Variants in UBIAD1 observed in about 807,000 individuals in gnomAD.
UBIAD1 encodes the protein ubiA prenyltransferase domain-containing protein 1.
UBIAD1 carries 12 observed loss-of-function variants against 20.1 expected under a neutral mutation model. The observed-to-expected ratio is 0.60, with a 90% CI of 0.38 to 0.97. UBIAD1 has a LOEUF of 0.97. UBIAD1 is among the 50% of genes least tolerant of loss of function. UBIAD1 has a pLI of 0.00. For synonymous variants in UBIAD1, 207 were observed against 189.2 expected, an observed-to-expected ratio of 1.09 and a Z score of -0.77; for missense variants, 333 against 419.5, an observed-to-expected ratio of 0.79 and a Z score of 1.80.
At chr1:11,293,008 G>A (rs1486762451), downstream of UBIAD1, among the ~76,000 whole-genome samples, 1 of 152,130 alleles carries the variant, frequency 6.6e-6, no homozygotes, top group Non-Finnish European at 1.5e-5. Flanking sequence ...CTGAGGAGGG[G>A]GCAAAGGCTG....
intron 1 of UBIAD1, among the ~76,000 whole-genome samples, chr1:11,281,447 G>A (rs1055300030): frequency 8.5e-5 from 13 of 152,180 alleles, no homozygotes; most frequent in African/African-American, 3.1e-4. Flanking sequence ...CCAGAGCACT[G>A]CCTGGCATGT....
rs957803462 is a variant in UBIAD1, at chr1:11,295,024, C to G, written c.*141C>G. The G allele has an allele frequency of 5.7e-6, 4 of 703,592 alleles. No individual in the cohort carries two copies. The South Asian group carries it at 6.0e-5, about 11-fold the overall frequency. The allele number at this position is 703,592 out of a possible 1,614,324, so 43.6% of individuals were successfully genotyped here. On this transcript the variant is annotated 3_prime_UTR_variant, in exon 2 of 2. Coordinates refer to the UBIAD1 transcript ENST00000376804. ...GAGGGAAGTGAGCCCCTTCCTGCCT[C>G]GGGGTGGGCAGCATCTGGAGCTGAC...
At position 11,273,603 on chromosome 1, in the gene UBIAD1, G is replaced by C. The variant is rs929379057; in HGVS notation, c.72G>C (p.Arg24Ser). 17 of 1,613,826 alleles carry C rather than the reference G, an allele frequency of 1.1e-5. No individual in the cohort carries two copies. The highest frequency in any genetic ancestry group is 1.4e-5 in the Non-Finnish European group (17 of 1,180,058). Reference sequence around the variant, plus strand: ...GAGAGACTGTCAAAGCTGGGGACAGGGACCCGCTGGGGAACGACTGTCCCG... The same window carrying C: ...GAGAGACTGTCAAAGCTGGGGACAGCGACCCGCTGGGGAACGACTGTCCCG... The part of the protein sequence containing the change: ...LSGETVKAGD[R>S]DPLGNDCPEQ... The change falls in exon 1 of 2, where the codon AGG becomes AGC. Residue 24 changes from arginine to serine, a missense_variant. Physicochemically the swap from Arg to Ser is moderately radical, Grantham distance 110 (BLOSUM62 -1). Transcript: ENST00000376810. The surrounding 1 kb of genome is among the most constrained non-coding windows in gnomAD (Gnocchi z 4.9).
At chr1:11,277,957 T>C (rs1219703219) in intron 1 of UBIAD1, among the ~76,000 whole-genome samples, 1 of 152,086 alleles carries the variant, frequency 6.6e-6, no homozygotes, top group Non-Finnish European at 1.5e-5. Context: ...GTTTTCTTTT[T>C]CCTTTCCTTT....
downstream of UBIAD1, among the ~76,000 whole-genome samples, chr1:11,292,452 A>G (rs1198164736): frequency 6.6e-6 from 1 of 152,118 alleles, no homozygotes; most frequent in Non-Finnish European, 1.5e-5. Context: ...GTCGCATCAG[A>G]GAGGCGTTGG....
At chr1:11,291,747 A>G (rs1638371182), downstream of UBIAD1, among the ~76,000 whole-genome samples, 1 of 152,176 alleles carries the variant, frequency 6.6e-6, no homozygotes, top group South Asian at 2.1e-4. Flanking sequence ...CAGTGTAAGA[A>G]CCACACTTTG....
intron 1 of UBIAD1, chr1:11,293,601 A>C (rs950074278): frequency 2.0e-5 from 3 of 152,260 alleles, no homozygotes; most frequent in African/African-American, 7.2e-5. Flanking sequence ...GGACCACTGC[A>C]TCACATCAGC....
chr1:11,295,209 A>G (rs895121063), downstream of UBIAD1: 4 of 404,328 alleles, frequency 9.9e-6, no homozygotes, highest in Non-Finnish European at 1.4e-5. Flanking sequence ...GCTTCCAGGA[A>G]GAGGTGACAA....
At chr1:11,276,070 T>C (rs543005817) in intron 1 of UBIAD1, among the ~76,000 whole-genome samples, 6 of 152,230 alleles carry the variant, frequency 3.9e-5, no homozygotes, top group African/African-American at 1.2e-4. Context: ...TGATGTAATA[T>C]AATGTTTTAA....
rs373642682 is a variant in UBIAD1, at chr1:11,275,865, C to G, written c.529+1805C>G. On this transcript the variant is annotated intron_variant, in intron 1 of 1. Coordinates refer to ENST00000376810, the MANE Select transcript of UBIAD1 (RefSeq NM_013319.3). The stretch of plus-strand genomic sequence containing the variant: ...ACAGCAAGTGCCATAGGCCTTCAGG[C>G]AGGAATGTGTCCAAAGAGCTTACAG... 7.2e-5 allele frequency among the ~76,000 whole-genome samples: 11 copies of G among 152,120 alleles called. No homozygotes were observed. The Middle Eastern group carries it at 0.01, about 141-fold the overall frequency.
chr1:11,291,682 T>C (rs546927628), downstream of UBIAD1, among the ~76,000 whole-genome samples: 1 of 151,344 alleles, frequency 6.6e-6, no homozygotes, highest in African/African-American at 2.4e-5. Context: ...TATGCATGTG[T>C]GTGCACGCGT....
Position 11,285,041 on chromosome 1 carries a change from A to G in UBIAD1, c.530-603A>G, listed in dbSNP as rs1318012498. 2.0e-5 allele frequency among the ~76,000 whole-genome samples: 3 copies of G among 152,200 alleles called. No homozygotes were observed. The highest frequency in any genetic ancestry group is 2.9e-5 in the Non-Finnish European group (2 of 68,036). On this transcript the variant is annotated intron_variant, in intron 1 of 1. Coordinates refer to ENST00000376810, the MANE Select transcript of UBIAD1 (RefSeq NM_013319.3). The surrounding 1 kb of genome is among the most constrained non-coding windows in gnomAD (Gnocchi z 4.4). The stretch of plus-strand genomic sequence containing the variant: ...AGGAGGTAGGGGTGGTTTAGTTTCA[A>G]TCTCATAGGAGACAGAGGAGGAAAG...
chr1:11,293,533 A>G (rs573962406), intron 1 of UBIAD1: 5 of 152,348 alleles, frequency 3.3e-5, no homozygotes, highest in African/African-American at 1.2e-4. Flanking sequence ...TTGTTGAATG[A>G]CTGAGTTACA....
chr1:11,282,627 G>A (rs1307453852), intron 1 of UBIAD1, among the ~76,000 whole-genome samples: 3 of 149,116 alleles, frequency 2.0e-5, no homozygotes, highest in Non-Finnish European at 4.4e-5. Flanking sequence ...ACAATGGTGC[G>A]ACCTCTGCTC....
Position 11,285,856 on chromosome 1 carries a change from C to T in UBIAD1, c.742C>T (p.Leu248=). ...CGACCGGGAGGCTGGTATCGTCACG[C>T]TGGCCATCCTCATCGGCCCCACGTT... ...ESDREAGIVT[L]AILIGPTFSY... The change falls in exon 2 of 2, where the codon CTG becomes TTG. Residue 248 remains leucine, a synonymous_variant. Transcript: ENST00000376810. This position sits in a 1 kb window ranked among gnomAD's most constrained non-coding sequence, Gnocchi z 4.4. 6.2e-7 allele frequency: 1 copy of T among 1,614,242 alleles called. No homozygotes were observed. Among genetic ancestry groups the T allele is most frequent in the South Asian group, 1.1e-5 (1 of 91,088 alleles).
At chr1:11,289,511 G>T (rs984180561), downstream of UBIAD1, among the ~76,000 whole-genome samples, 3 of 152,048 alleles carry the variant, frequency 2.0e-5, no homozygotes, top group Non-Finnish European at 1.5e-5. Flanking sequence ...ATGGAGATAG[G>T]GGGGTATGAG....
Position 11,274,039 on chromosome 1 carries a change from G to A in UBIAD1, c.508G>A (p.Gly170Ser). 1 of 1,614,096 alleles carries A rather than the reference G, an allele frequency of 6.2e-7. No homozygotes were observed. The highest frequency in any genetic ancestry group is 8.5e-7 in the Non-Finnish European group (1 of 1,180,034). Residue 170 changes from glycine (G) to serine (S), a missense_variant, in exon 1 of 2, where the codon GGC (glycine) becomes AGC (serine). Transcript: ENST00000376810. ...LALIYFGGLS[G>S]SFLYTGGIGF... ...TCTTATCTACTTTGGAGGCCTGTCT[G>A]GCTCCTTTCTCTACACAGGAGGTAA...
downstream of UBIAD1, among the ~76,000 whole-genome samples, chr1:11,298,085 C>T (rs1039300277): frequency 2.0e-4 from 30 of 151,920 alleles, no homozygotes; most frequent in Admixed American, 1.6e-3. The surrounding 1 kb of genome is among the most constrained non-coding windows in gnomAD (Gnocchi z 4.0). Context: ...CTCAGCCTCC[C>T]GAATAGCTGG....
At chr1:11,290,088 A>G (rs1451963343), downstream of UBIAD1, among the ~76,000 whole-genome samples, 1 of 152,154 alleles carries the variant, frequency 6.6e-6, no homozygotes, top group Non-Finnish European at 1.5e-5. Context: ...CTGGTCTCGA[A>G]ATCCTGACCT....
Sources: gnomAD v4.1 joint callset for allele counts (sites outside exome capture counted in the v4.1 genomes callset) on GRCh38, gnomAD v4.1.1 for gene constraint, Gnocchi (gnomAD v3.1) non-coding constraint, MANE v1.5 for transcripts, NCBI Gene and HGNC (gene_info 2026-07-23, HGNC 2026-07-21) for gene names.